PPP3CA: variants seen among roughly 807,000 people sequenced by gnomAD.
The protein encoded by PPP3CA is CAM-PRP catalytic subunit.
A neutral mutation model predicts 66.5 loss-of-function variants in PPP3CA; 14 were observed. The observed-to-expected ratio is 0.21, with a 90% CI of 0.14 to 0.33. PPP3CA has a LOEUF of 0.33. PPP3CA is among the 10% of genes least tolerant of loss of function. PPP3CA has a pLI of 1.00. For missense variants in PPP3CA, 317 were observed against 639.5 expected (o/e 0.50, Z 5.44); for synonymous variants, 232 against 226.2 (o/e 1.03, Z -0.23).
chr4:101,044,402 A>C (rs1727671097), intron 10 of PPP3CA, among the ~76,000 whole-genome samples: 1 of 152,200 alleles, frequency 6.6e-6, no homozygotes, highest in African/African-American at 2.4e-5. Context: ...GTTCTGTTTA[A>C]GTTGTGAAAA....
intron 2 of PPP3CA, among the ~76,000 whole-genome samples, chr4:101,140,506 T>C (rs767034314): frequency 2.6e-5 from 4 of 152,142 alleles, no homozygotes; most frequent in Non-Finnish European, 5.9e-5. Context: ...TTGAGGACAC[T>C]TTCTTTTCCC....
intron 5 of PPP3CA, among the ~76,000 whole-genome samples, chr4:101,096,839 C>T (rs1365275208): frequency 6.6e-6 from 1 of 152,128 alleles, no homozygotes; most frequent in African/African-American, 2.4e-5. Context: ...AATGGGAAAA[C>T]ACTGTTTACT....
intron 1 of PPP3CA, among the ~76,000 whole-genome samples, chr4:101,287,866 G>C (rs1727894594): frequency 6.6e-6 from 1 of 151,654 alleles, no homozygotes; most frequent in African/African-American, 2.4e-5. Flanking sequence ...TCAAAGGCTG[G>C]TAACTTAAGT....
chr4:101,075,846 A>T (rs959169274), intron 8 of PPP3CA, among the ~76,000 whole-genome samples: 11 of 152,074 alleles, frequency 7.2e-5, no homozygotes, highest in Admixed American at 7.2e-4. Flanking sequence ...ATAAATAATC[A>T]TTGGTGGAAT....
intron 1 of PPP3CA, among the ~76,000 whole-genome samples, chr4:101,226,142 C>A (rs919944583): frequency 1.6e-4 from 24 of 151,678 alleles, no homozygotes; most frequent in African/African-American, 5.6e-4. Flanking sequence ...GTGAACAGAT[C>A]TGTGCTGAAA....
At chr4:101,244,706 G>A (rs1208002928) in intron 1 of PPP3CA, among the ~76,000 whole-genome samples, 1 of 152,122 alleles carries the variant, frequency 6.6e-6, no homozygotes, top group East Asian at 1.9e-4. Flanking sequence ...ATATGTTTCA[G>A]AAGAATTCAA....
intron 1 of PPP3CA, among the ~76,000 whole-genome samples, chr4:101,199,308 C>A (rs1724897565): frequency 6.6e-6 from 1 of 152,142 alleles, no homozygotes; most frequent in Non-Finnish European, 1.5e-5. Flanking sequence ...CTTAATACAA[C>A]AAAATTGGAT....
chr4:101,347,321 C>CGCT lies in PPP3CA; in HGVS notation c.-528_-526dup. 5.0e-6 allele frequency: 1 copy of CGCT among 201,858 alleles called. No individual in the cohort carries two copies. The highest frequency in any genetic ancestry group is 9.8e-6 in the Non-Finnish European group (1 of 101,950). The allele number at this position is 201,858 out of a possible 1,614,324, so 12.5% of individuals were successfully genotyped here. ...TCCCCGGCGGCGGAGAGGCGGCCGC[C>CGCT]GCTGCTGCCGCTGCTGCTGCCGCTG... On this transcript the variant is annotated 5_prime_UTR_variant, in exon 1 of 14. Transcript: ENST00000394854.
intron 11 of PPP3CA, among the ~76,000 whole-genome samples, chr4:101,032,803 A>AGAT (rs976744228): frequency 5.3e-5 from 8 of 152,172 alleles, no homozygotes; most frequent in African/African-American, 1.9e-4. Flanking sequence ...GAGCATATGG[A>AGAT]GATTGAAAAA....
At chr4:101,287,195 AAT>A (rs921315283) in intron 1 of PPP3CA, among the ~76,000 whole-genome samples, 1 of 152,246 alleles carries the variant, frequency 6.6e-6, no homozygotes, top group Non-Finnish European at 1.5e-5. Flanking sequence ...GACAAAAAAA[AAT>A]AGTTACTAGC....
At chr4:101,051,085 T>C (rs578170510) in intron 10 of PPP3CA, among the ~76,000 whole-genome samples, 15 of 152,196 alleles carry the variant, frequency 9.9e-5, no homozygotes, top group African/African-American at 3.4e-4. Flanking sequence ...AATAGACCAC[T>C]CCAAAAAGAT....
chr4:101,079,271 G>T (rs1560590924), intron 8 of PPP3CA, among the ~76,000 whole-genome samples: 1 of 152,136 alleles, frequency 6.6e-6, no homozygotes. Context: ...CTAATTCCAG[G>T]AGTTTTCAGA....
intron 1 of PPP3CA, among the ~76,000 whole-genome samples, chr4:101,208,410 C>T (rs562780098): frequency 1.3e-5 from 2 of 152,308 alleles, no homozygotes; most frequent in South Asian, 4.1e-4. Context: ...AGAAACCTCA[C>T]CACAAAATCC....
At chr4:101,333,957 C>T (rs1036048124) in intron 1 of PPP3CA, among the ~76,000 whole-genome samples, 1 of 152,256 alleles carries the variant, frequency 6.6e-6, no homozygotes. Flanking sequence ...CAGTGCAGAG[C>T]CACACACGCA....
intron 2 of PPP3CA, among the ~76,000 whole-genome samples, chr4:101,180,002 T>C (rs1724185135): frequency 6.6e-6 from 1 of 152,180 alleles, no homozygotes; most frequent in African/African-American, 2.4e-5. Flanking sequence ...TCTGCACTTG[T>C]AGTACATCAT....
At chr4:101,275,875 TTTTG>T (rs143044029) in intron 1 of PPP3CA, among the ~76,000 whole-genome samples, 26,872 of 148,886 alleles carry the variant, frequency 0.18, 3,018 homozygotes, top group East Asian at 0.49. Context: ...TTTTTTTGTT[TTTTG>T]TTTGTTTGTT....
chr4:101,122,661 G>A (rs1454308435), intron 2 of PPP3CA, among the ~76,000 whole-genome samples: 1 of 152,130 alleles, frequency 6.6e-6, no homozygotes, highest in East Asian at 1.9e-4. Context: ...ATCAAAATAA[G>A]TGGATTGCAA....
intron 1 of PPP3CA, among the ~76,000 whole-genome samples, chr4:101,265,946 A>G (rs913464401): frequency 6.6e-6 from 1 of 152,188 alleles, no homozygotes; most frequent in African/African-American, 2.4e-5. Flanking sequence ...TGTTTCTTTA[A>G]TGTATTTGTG....
At chr4:101,171,586 A>C (rs1381474452) in intron 2 of PPP3CA, among the ~76,000 whole-genome samples, 1 of 152,124 alleles carries the variant, frequency 6.6e-6, no homozygotes, top group African/African-American at 2.4e-5. Flanking sequence ...TGGAACATGG[A>C]AAGGTTAAGT....
Sources: gnomAD v4.1 joint callset for allele counts (sites outside exome capture counted in the v4.1 genomes callset) on GRCh38, gnomAD v4.1.1 for gene constraint, MANE v1.5 for transcripts, NCBI Gene and HGNC (gene_info 2026-07-23, HGNC 2026-07-21) for gene names.